The following CSNK2A1 variants were observed in gnomAD, a reference collection of about 807,000 sequenced individuals.
CSNK2A1 encodes the protein casein kinase 2 alpha 1, also known as casein kinase II subunit alpha.
CSNK2A1 carries 10 observed loss-of-function variants against 62.9 expected under a neutral mutation model. The ratio of observed to expected loss-of-function variants is 0.16; its 90% confidence interval spans 0.10 to 0.27. The LOEUF is 0.27. Ranked by LOEUF, CSNK2A1 falls within the 10% of genes least tolerant of loss-of-function variation. CSNK2A1 has a pLI of 1.00. For synonymous variants in CSNK2A1, 124 were observed against 167.8 expected, an observed-to-expected ratio of 0.74 and a Z score of 2.02; for missense variants, 160 against 492.0, an observed-to-expected ratio of 0.33 and a Z score of 6.38.
At chr20:505,484 C>T (rs1002535640) in intron 3 of CSNK2A1, among the ~76,000 whole-genome samples, 9 of 151,096 alleles carry the variant, frequency 6.0e-5, no homozygotes, top group African/African-American at 1.5e-4. Context: ...CTCAGCCTCC[C>T]GAGCAGCTGG....
At chr20:495,282 T>C (rs1369761848) in intron 8 of CSNK2A1, 1 of 161,064 alleles carries the variant, frequency 6.2e-6, no homozygotes, top group African/African-American at 2.4e-5. Context: ...AGGGCCCTTA[T>C]GACATCCAAT....
intron 12 of CSNK2A1, chr20:486,779 C>G (rs1432880407): frequency 1.1e-5 from 3 of 285,550 alleles, no homozygotes; most frequent in Non-Finnish European, 2.0e-5. Context: ...CACTGTAACT[C>G]GGCAAAGACG....
rs915394383 is a variant in CSNK2A1 at position 499,188 on chromosome 20, G to A, written c.366+67C>T. On this transcript the variant is annotated intron_variant, in intron 6 of 13. Coordinates refer to ENST00000217244, the MANE Select transcript of CSNK2A1 (RefSeq NM_177559.3). The surrounding 1 kb of genome is among the most constrained non-coding windows in gnomAD (Gnocchi z 4.2). ...AAATGCGAAGCAAGCTCTTCTAACAGCATCATCCCCAAAGGCTATGTGGTC... is the reference window on the plus strand; with the variant it reads ...AAATGCGAAGCAAGCTCTTCTAACAACATCATCCCCAAAGGCTATGTGGTC... The A allele has an allele frequency of 3.9e-5, 51 of 1,321,402 alleles. No individual in the cohort carries two copies. Among genetic ancestry groups the A allele is most frequent in the Non-Finnish European group, 4.6e-5 (45 of 981,180 alleles). The allele number at this position is 1,321,402 out of a possible 1,614,324, so 81.9% of individuals were successfully genotyped here. A position where few individuals can be genotyped will look rare whatever the true frequency, so the allele number is the denominator to read the frequency against.
intron 2 of CSNK2A1, among the ~76,000 whole-genome samples, chr20:519,538 A>C (rs556639370): frequency 6.6e-6 from 1 of 152,358 alleles, no homozygotes; most frequent in African/African-American, 2.4e-5. Flanking sequence ...AAACAGCAAG[A>C]CCTTGTCTCA....
Position 499,763 on chromosome 20 carries a change from A to G in CSNK2A1, c.315+70T>C, listed in dbSNP as rs1015373565. On this transcript the variant is annotated intron_variant, in intron 5 of 13. Coordinates refer to ENST00000217244, the MANE Select transcript of CSNK2A1 (RefSeq NM_177559.3). The surrounding 1 kb of genome is among the most constrained non-coding windows in gnomAD (Gnocchi z 4.2). ...GAGGGTTGGGGGAGGGAACAAAAAG[A>G]GGCCAGTTGTGCTCCAGGTCAAACA... The G allele has an allele frequency of 1.9e-5, 28 of 1,435,908 alleles. No individual in the cohort carries two copies. The highest frequency in any genetic ancestry group is 2.0e-5 in the Non-Finnish European group (21 of 1,024,440). 88.9% of individuals were successfully genotyped at this position (1,435,908 alleles called of 1,614,324 possible).
intron 7 of CSNK2A1, chr20:496,071 C>A (rs1176279149): frequency 2.7e-6 from 1 of 368,004 alleles, no homozygotes; most frequent in African/African-American, 2.1e-5. Flanking sequence ...CCAAATTGCA[C>A]CACTTCAAAT....
intron 1 of CSNK2A1, among the ~76,000 whole-genome samples, chr20:533,069 T>C (rs1175297714): frequency 1.3e-5 from 2 of 152,198 alleles, no homozygotes; most frequent in Admixed American, 6.5e-5. Context: ...ATCATACTAA[T>C]GCCATATAAG....
chr20:496,026 A>G (rs1033279259), intron 7 of CSNK2A1: 3 of 489,582 alleles, frequency 6.1e-6, no homozygotes, highest in Non-Finnish European at 1.1e-5. Context: ...CAGTTGTTTC[A>G]ACATGTTTTC....
chr20:503,132 C>G (rs1316208474), intron 4 of CSNK2A1: 1 of 204,712 alleles, frequency 4.9e-6, no homozygotes, highest in Non-Finnish European at 9.7e-6. Flanking sequence ...TATATACACA[C>G]AATTTTGTGT....
intron 13 of CSNK2A1, among the ~76,000 whole-genome samples, chr20:486,154 T>A (rs1049734600): frequency 1.3e-5 from 2 of 151,994 alleles, no homozygotes; most frequent in Non-Finnish European, 2.9e-5. Context: ...ATGCCAAAAA[T>A]TTTCAGCCAG....
At chr20:514,149 CCCTGGGCAACACAGCGAGACCT>C (rs2018781591) in intron 2 of CSNK2A1, among the ~76,000 whole-genome samples, 2 of 151,878 alleles carry the variant, frequency 1.3e-5, no homozygotes, top group Admixed American at 6.6e-5. Context: ...TTTGAGACCA[CCCTGGGCAACACAGCGAGACCT>C]CCTCTCTACA....
rs571037469 is a variant in CSNK2A1 at position 525,381 on chromosome 20, A to G, written c.-110+2552T>C. ...AAAATTTTAAAAATCGGCTGGGCGC[A>G]GTGGCTCACGCCTGTAATCCCAGCA... On this transcript the variant is annotated intron_variant, in intron 2 of 13. Coordinates refer to ENST00000217244, the MANE Select transcript of CSNK2A1 (RefSeq NM_177559.3). Among the ~76,000 whole-genome samples the G allele has an allele frequency of 1.8e-4, 28 of 152,004 alleles. No individual in the cohort carries two copies. The South Asian group carries it at 1.9e-3, about 10-fold the overall frequency.
chr20:491,380 T>A (rs2018232342), intron 9 of CSNK2A1, among the ~76,000 whole-genome samples: 1 of 152,154 alleles, frequency 6.6e-6, no homozygotes, highest in African/African-American at 2.4e-5. Context: ...TTAAACTTAG[T>A]TACAGGATGG....
intron 1 of CSNK2A1, among the ~76,000 whole-genome samples, chr20:532,646 T>C (rs1040400997): frequency 4.6e-5 from 7 of 152,176 alleles, no homozygotes; most frequent in African/African-American, 1.7e-4. Context: ...TAACGCACCC[T>C]AACACAATAC....
chr20:495,630 G>A, intron 8 of CSNK2A1, 89 bp downstream of exon 8: 1 of 1,092,564 alleles, frequency 9.2e-7, no homozygotes, highest in Non-Finnish European at 1.4e-6. Flanking sequence ...AGGTACTAGG[G>A]CCTGTGACAA....
At chr20:525,175 G>T (rs913054017) in intron 2 of CSNK2A1, among the ~76,000 whole-genome samples, 1 of 151,950 alleles carries the variant, frequency 6.6e-6, no homozygotes, top group Non-Finnish European at 1.5e-5. Flanking sequence ...ATAAAAATAC[G>T]ATATTTCAAA....
At chr20:487,281 T>C in intron 12 of CSNK2A1, 146 bp downstream of exon 12, 1 of 1,065,814 alleles carries the variant, frequency 9.4e-7, no homozygotes, top group Admixed American at 2.5e-5. Context: ...TGCAATGTAG[T>C]TGCCATCACT....
intron 3 of CSNK2A1, 122 bp from the exon 4 acceptor site, chr20:505,351 GTTTTTTTTTTTTTTTT>G (rs746624346): frequency 1.3e-5 from 3 of 236,168 alleles, no homozygotes; most frequent in African/African-American, 4.2e-5. Context: ...TCCCAAATAG[GTTTTTTTTTTTTTTTT>G]TTTTTTTTTG....
At chr20:507,510 C>G (rs572640588) in intron 3 of CSNK2A1, 1 of 152,272 alleles carries the variant, frequency 6.6e-6, no homozygotes, top group South Asian at 2.1e-4. Flanking sequence ...ACAGGAAATG[C>G]AAACATCCAA....
Sources: gnomAD v4.1 joint callset for allele counts (sites outside exome capture counted in the v4.1 genomes callset) on GRCh38, gnomAD v4.1.1 for gene constraint, Gnocchi (gnomAD v3.1) non-coding constraint, MANE v1.5 for transcripts, NCBI Gene and HGNC (gene_info 2026-07-23, HGNC 2026-07-21) for gene names.